ADCY1: variants seen among roughly 807,000 people sequenced by gnomAD.
ADCY1 encodes adenylate cyclase 1.
In ADCY1, 28 loss-of-function variants were observed where a neutral mutation model predicts 105.4. The observed-to-expected ratio is 0.27, with a 90% CI of 0.20 to 0.36. The LOEUF (loss-of-function observed/expected upper bound fraction) is 0.36. Among genes scored for constraint, ADCY1 ranks in the 10% least tolerant of loss-of-function variants. ADCY1 has a pLI of 1.00. For synonymous variants in ADCY1, 655 were observed against 623.8 expected (o/e 1.05, Z -0.75); for missense variants, 977 against 1,434.2 (o/e 0.68, Z 5.15).
In ADCY1 at chr7:45,678,170, A is replaced by G; in HGVS notation, c.1805A>G (p.His602Arg). 1 of 1,614,144 alleles carries G rather than the reference A, an allele frequency of 6.2e-7. No individual in the cohort carries two copies. The highest frequency in any genetic ancestry group is 8.5e-7 in the Non-Finnish European group (1 of 1,180,024). ...YKHVEREQKY[H>R]QLQDEYFTSA... is the part of the protein sequence containing the mutation. Reference sequence around the variant, plus strand: ...ATTGACTTCTCTCTTACACAGTACCACCAGCTTCAGGACGAGTATTTCACC... The same window carrying G: ...ATTGACTTCTCTCTTACACAGTACCGCCAGCTTCAGGACGAGTATTTCACC... The change falls in exon 10 of 20, where the codon CAC becomes CGC. Residue 602 changes from histidine (H) to arginine (R), a missense_variant. His to Arg is a conservative substitution (Grantham distance 29). Around this residue, in one of 7 missense-constraint regions of ADCY1, gnomAD observed 275 missense variants for 362.1 expected, o/e 0.76. Transcript: ENST00000297323.
intron 5 of ADCY1, among the ~76,000 whole-genome samples, chr7:45,654,294 C>T (rs1479219593): frequency 2.0e-5 from 3 of 152,234 alleles, no homozygotes; most frequent in Admixed American, 2.0e-4. Context: ...GAACCTCATT[C>T]TTCCACATGA....
At chr7:45,628,512 T>C (rs1282086949) in intron 4 of ADCY1, among the ~76,000 whole-genome samples, 1 of 151,892 alleles carries the variant, frequency 6.6e-6, no homozygotes, top group African/African-American at 2.4e-5. Flanking sequence ...GGGTGGAGGG[T>C]GAGCGGTTTC....
At chr7:45,630,584 C>T (rs992309800) in intron 4 of ADCY1, among the ~76,000 whole-genome samples, 2 of 152,052 alleles carry the variant, frequency 1.3e-5, no homozygotes, top group Non-Finnish European at 2.9e-5. Flanking sequence ...GGCCAGTCTC[C>T]CTCTGTCTTC....
chr7:45,678,234 T>C lies in ADCY1; in HGVS notation c.1869T>C (p.Phe623=), dbSNP rs1784497187. 9.3e-6 allele frequency: 15 copies of C among 1,614,158 alleles called. No homozygotes were observed. Among genetic ancestry groups the C allele is most frequent in the Non-Finnish European group, 1.3e-5 (15 of 1,180,004 alleles). Residue 623 remains phenylalanine, a synonymous_variant, in exon 10 of 20, where the codon TTT becomes TTC. Transcript: ENST00000297323. ...TCACCCTCATCCTGGCTGCCTTATT[T>C]GGCCTTGTCTACCTTCTAATATTCC... ...VVLTLILAAL[F]GLVYLLIFPQ... is the part of the protein sequence containing the mutation.
intron 14 of ADCY1, among the ~76,000 whole-genome samples, chr7:45,687,778 G>T (rs188095379): frequency 2.6e-5 from 4 of 152,318 alleles, no homozygotes; most frequent in Admixed American, 2.0e-4. Flanking sequence ...CCAGAAGGTG[G>T]CTGAGCTGGG....
intron 5 of ADCY1, among the ~76,000 whole-genome samples, chr7:45,651,932 G>A (rs1191017248): frequency 1.3e-5 from 2 of 152,152 alleles, no homozygotes; most frequent in Non-Finnish European, 2.9e-5. Flanking sequence ...TTAGTCTGTT[G>A]TCACACTGCT....
intron 3 of ADCY1, among the ~76,000 whole-genome samples, chr7:45,621,622 C>A (rs553901078): frequency 6.6e-6 from 1 of 152,136 alleles, no homozygotes; most frequent in Non-Finnish European, 1.5e-5. Context: ...CTGGATAGTT[C>A]CCTTGGAGTC....
At chr7:45,711,082 A>G (rs1785222599) in intron 19 of ADCY1, among the ~76,000 whole-genome samples, 2 of 152,236 alleles carry the variant, frequency 1.3e-5, no homozygotes, top group African/African-American at 2.4e-5. Flanking sequence ...GGCCTGACAC[A>G]TGGTGGCTGA....
At chr7:45,636,806 G>A (rs1562700144) in intron 4 of ADCY1, among the ~76,000 whole-genome samples, 1 of 152,222 alleles carries the variant, frequency 6.6e-6, no homozygotes, top group East Asian at 1.9e-4. Context: ...CTCCCAAAGT[G>A]CTGGGATTAC....
At chr7:45,576,907 T>TGC (rs1309967194) in intron 1 of ADCY1, among the ~76,000 whole-genome samples, 1 of 152,164 alleles carries the variant, frequency 6.6e-6, no homozygotes, top group Non-Finnish European at 1.5e-5. Flanking sequence ...AATAAAAGGC[T>TGC]GCGTTATTGT....
chr7:45,611,501 G>C (rs546012473), intron 3 of ADCY1, among the ~76,000 whole-genome samples: 2 of 152,194 alleles, frequency 1.3e-5, no homozygotes, highest in South Asian at 4.2e-4. Context: ...GCTGGGTCTG[G>C]TATATGTGTG....
intron 11 of ADCY1, among the ~76,000 whole-genome samples, chr7:45,682,649 C>A (rs1236166447): frequency 2.0e-5 from 3 of 152,172 alleles, no homozygotes; most frequent in Non-Finnish European, 4.4e-5. Flanking sequence ...CCCTGTTTTC[C>A]CCATCCTCCT....
chr7:45,601,253 C>G (rs941329701), intron 2 of ADCY1, among the ~76,000 whole-genome samples: 5 of 152,126 alleles, frequency 3.3e-5, no homozygotes, highest in African/African-American at 1.2e-4. Flanking sequence ...CCTTCCCCCC[C>G]TGCTCTTACT....
intron 9 of ADCY1, 22 bp downstream of exon 9, chr7:45,678,085 C>T (rs370353474): frequency 6.2e-7 from 1 of 1,613,874 alleles, no homozygotes; most frequent in Non-Finnish European, 8.5e-7. Context: ...TGGTTTTCGG[C>T]TTCCCTGGTG....
rs79103596 is a variant in ADCY1 at position 45,616,862 on chromosome 7, G to C, written c.909-5770G>C. On this transcript the variant is annotated intron_variant, in intron 3 of 19. Coordinates refer to ENST00000297323, the MANE Select transcript of ADCY1 (RefSeq NM_021116.4). ...GCAACAAAAAAAGGCATCCTAAATG[G>C]AAAGGGGAAAACTAGGAAGCAGAAG... Among the ~76,000 whole-genome samples the C allele has an allele frequency of 2.3e-3, 346 of 152,288 alleles. 1 individual carries two copies. Among genetic ancestry groups the C allele is most frequent in the African/African-American group, 7.9e-3 (330 of 41,550 alleles).
At position 45,716,659 on chromosome 7, in the gene ADCY1, CAG is replaced by C. The variant is rs1428366119; in HGVS notation, c.*2667_*2668del. 2.0e-5 allele frequency: 3 copies of C among 153,196 alleles called. No individual in the cohort carries two copies. The highest frequency in any genetic ancestry group is 4.4e-5 in the Non-Finnish European group (3 of 68,834). The allele number at this position is 153,196 out of a possible 1,614,324, so 9.5% of individuals were successfully genotyped here. A position where few individuals can be genotyped will look rare whatever the true frequency, so the allele number is the denominator to read the frequency against. Reference sequence around the variant, plus strand: ...TTCGGCCATCCAGGTGGTGGGTAGACAGAGGAGTGAACCCCAAAGGTGTCCAT... The same window carrying C: ...TTCGGCCATCCAGGTGGTGGGTAGACAGGAGTGAACCCCAAAGGTGTCCAT... On this transcript the variant is annotated 3_prime_UTR_variant, in exon 20 of 20. Transcript: ENST00000297323.
At chr7:45,621,247 G>A (rs1395140557) in intron 3 of ADCY1, among the ~76,000 whole-genome samples, 1 of 152,090 alleles carries the variant, frequency 6.6e-6, no homozygotes, top group African/African-American at 2.4e-5. Flanking sequence ...TGTATTTTTT[G>A]TAGAGATAGG....
At position 45,708,865 on chromosome 7, in the gene ADCY1, G is replaced by A. The variant is rs373930616; in HGVS notation, c.2932+401G>A. ...GAGCCCCACTGTGCGGACTCCAGCC[G>A]CCCTGTGTCTTCTCCAGGCTCCTTC... On this transcript the variant is annotated intron_variant, in intron 18 of 19. Transcript: ENST00000297323. The surrounding 1 kb of genome is among the most constrained non-coding windows in gnomAD (Gnocchi z 4.7). Among the ~76,000 whole-genome samples, 5 of 152,280 alleles carry A rather than the reference G, an allele frequency of 3.3e-5. No homozygotes were observed. The highest frequency in any genetic ancestry group is 1.9e-4 in the East Asian group (1 of 5,180).
chr7:45,584,051 G>C (rs1051702977), intron 1 of ADCY1, among the ~76,000 whole-genome samples: 4 of 148,232 alleles, frequency 2.7e-5, no homozygotes, highest in African/African-American at 1.0e-4. Context: ...GGGCTCAAGT[G>C]ATCTTCCTGT....
Sources: gnomAD v4.1 joint callset for allele counts (sites outside exome capture counted in the v4.1 genomes callset) on GRCh38, gnomAD v4.1.1 for gene constraint, gnomAD v4.1.1 regional missense constraint, Gnocchi (gnomAD v3.1) non-coding constraint, MANE v1.5 for transcripts, NCBI Gene and HGNC (gene_info 2026-07-23, HGNC 2026-07-21) for gene names.